Variants in L3HYPDH observed in about 807,000 individuals in gnomAD.
The protein encoded by L3HYPDH is trans-3-hydroxy-L-proline dehydratase.
L3HYPDH carries 32 observed loss-of-function variants against 26.5 expected under a neutral mutation model. The ratio of observed to expected loss-of-function variants is 1.21; its 90% CI spans 0.91 to 1.62. L3HYPDH has a LOEUF of 1.62. Ranked by LOEUF, L3HYPDH falls within the 40% of genes most tolerant of loss-of-function variation. The probability of loss-of-function intolerance (pLI) is 0.00; values close to 1 mark genes in which losing one functional copy is unlikely to be tolerated. For missense variants in L3HYPDH, 554 were observed against 476.4 expected (o/e 1.16, Z -1.52); for synonymous variants, 215 against 196.6 (o/e 1.09, Z -0.78).
At chr14:59,486,682 T>A, upstream of L3HYPDH, 1 of 1,407,088 alleles carries the variant, frequency 7.1e-7, no homozygotes, top group Non-Finnish European at 9.8e-7. Flanking sequence ...TCACAAAAGA[T>A]GTTACTATAC....
intron 1 of L3HYPDH, chr14:59,465,489 G>T (rs1889136639): frequency 2.8e-6 from 1 of 357,522 alleles, no homozygotes; most frequent in South Asian, 1.5e-4. Flanking sequence ...CGCCACTCCG[G>T]AGGTTACCGG....
intron 4 of L3HYPDH, chr14:59,474,982 G>A (rs1889527135): frequency 6.5e-6 from 1 of 152,676 alleles, no homozygotes; most frequent in African/African-American, 2.4e-5. Context: ...AGCTATATTA[G>A]GATAGATTGT....
chr14:59,482,983 T>A, intron 1 of L3HYPDH, among the ~76,000 whole-genome samples: 1 of 152,210 alleles, frequency 6.6e-6, no homozygotes, highest in Admixed American at 6.5e-5. Context: ...CTGTAAGGGT[T>A]ATGGTTATAG....
chr14:59,477,778 T>C (rs1328770282), intron 2 of L3HYPDH, among the ~76,000 whole-genome samples: 1 of 152,226 alleles, frequency 6.6e-6, no homozygotes, highest in Admixed American at 6.5e-5. Flanking sequence ...ATAAATTATT[T>C]TAAAATAAAG....
chr14:59,482,976 T>C (rs1890143785), intron 1 of L3HYPDH, among the ~76,000 whole-genome samples: 1 of 152,206 alleles, frequency 6.6e-6, no homozygotes, highest in Non-Finnish European at 1.5e-5. Flanking sequence ...ATCCCTCCTG[T>C]AAGGGTTATG....
downstream of L3HYPDH, among the ~76,000 whole-genome samples, chr14:59,468,929 G>GT (rs1454374875): frequency 1.3e-5 from 2 of 149,628 alleles, no homozygotes; most frequent in African/African-American, 2.6e-5. Context: ...TTCTCTGGGC[G>GT]TAAGTAACAC....
the L3HYPDH span, among the ~76,000 whole-genome samples, chr14:59,490,982 C>G: frequency 6.6e-6 from 1 of 152,182 alleles, no homozygotes; most frequent in African/African-American, 2.4e-5. Flanking sequence ...AATGCTCAGA[C>G]AGGAAAGGAG....
intron 2 of L3HYPDH, 81 bp from the exon 3 acceptor site, chr14:59,476,295 G>C: frequency 1.9e-6 from 2 of 1,056,832 alleles, no homozygotes; most frequent in Non-Finnish European, 2.7e-6. Context: ...GTCATTCTTA[G>C]ACATAACTTT....
the L3HYPDH span, chr14:59,494,932 C>A: frequency 2.2e-6 from 2 of 926,694 alleles, no homozygotes. Context: ...ATTTAGAAAT[C>A]TGTATCTTGA....
intron 1 of L3HYPDH, among the ~76,000 whole-genome samples, chr14:59,480,939 G>A (rs79606592): frequency 0.034 from 5,248 of 152,244 alleles, 157 homozygotes; most frequent in Middle Eastern, 0.1. Context: ...CACAGGTGAC[G>A]GTCCCAGGGT....
chr14:59,484,192 A>G lies in L3HYPDH; in HGVS notation c.125T>C (p.Val42Ala), dbSNP rs17096291. 10,238 of 1,598,370 alleles carry G rather than the reference A, an allele frequency of 6.4e-3. 529 individuals are homozygous for G. The African/African-American group carries it at 0.12, about 18-fold the overall frequency. Residue 42 changes from valine (V) to alanine (A), a missense_variant, in exon 1 of 5, where the codon GTG (valine) becomes GCG (alanine). By Grantham distance (64) the Val-to-Ala change is moderately conservative. Transcript: ENST00000247194. ...CTTGGCCAGCAGGGTGGGCCCAGAC[A>G]CCTCCGGACACCCCGCCAGCACGAT... The part of the protein sequence containing the change: ...LRIVLAGCPE[V>A]SGPTLLAKRR...
chr14:59,480,754 TA>T (rs1340840866), intron 1 of L3HYPDH, among the ~76,000 whole-genome samples: 9 of 152,220 alleles, frequency 5.9e-5, no homozygotes, highest in African/African-American at 2.2e-4. Flanking sequence ...ATCAAAAGAG[TA>T]AAACATGCTG....
At chr14:59,468,485 C>T (rs190531907), downstream of L3HYPDH, among the ~76,000 whole-genome samples, 25 of 152,284 alleles carry the variant, frequency 1.6e-4, no homozygotes, top group Middle Eastern at 0.01. Context: ...TCCCCATCTT[C>T]GCGTTAAGGT....
downstream of L3HYPDH, among the ~76,000 whole-genome samples, chr14:59,469,706 GTCCCTAGCT>G (rs1237896653): frequency 6.6e-6 from 1 of 151,914 alleles, no homozygotes; most frequent in African/African-American, 2.4e-5. Context: ...TCAATCCCAA[GTCCCTAGCT>G]TGGTGGATGG....
chr14:59,477,727 A>G (rs1319377547), intron 2 of L3HYPDH, among the ~76,000 whole-genome samples: 1 of 152,226 alleles, frequency 6.6e-6, no homozygotes, highest in African/African-American at 2.4e-5. Flanking sequence ...CCAGAAAAAT[A>G]ATTTAGAATA....
chr14:59,469,610 A>G (rs1026990903), downstream of L3HYPDH, among the ~76,000 whole-genome samples: 2 of 149,578 alleles, frequency 1.3e-5, no homozygotes, highest in African/African-American at 2.5e-5. Flanking sequence ...AAAGAAGGGG[A>G]AAGGCATGAT....
At chr14:59,505,250 A>ATGTATTT in the L3HYPDH span, 1 of 1,490,310 alleles carries the variant, frequency 6.7e-7, no homozygotes, top group Non-Finnish European at 9.0e-7. Context: ...TACTTTGTTA[A>ATGTATTT]TGTATTTTTC....
chr14:59,475,672 A>G (rs1167244995), intron 4 of L3HYPDH, among the ~76,000 whole-genome samples, 197 bp downstream of exon 4: 4 of 152,226 alleles, frequency 2.6e-5, no homozygotes. Flanking sequence ...GAACCCATGG[A>G]AAGGACCTTA....
the L3HYPDH span, among the ~76,000 whole-genome samples, chr14:59,496,810 C>T: frequency 1.8e-4 from 28 of 152,134 alleles, no homozygotes; most frequent in African/African-American, 6.0e-4. Context: ...CATTGTAGAA[C>T]AGCTTGCCTG....
Sources: gnomAD v4.1 joint callset for allele counts (sites outside exome capture counted in the v4.1 genomes callset) on GRCh38, gnomAD v4.1.1 for gene constraint, MANE v1.5 for transcripts, NCBI Gene and HGNC (gene_info 2026-07-23, HGNC 2026-07-21) for gene names.